CEP128: variants seen among roughly 807,000 people sequenced by gnomAD.
CEP128 encodes centrosomal protein 128.
In CEP128, 132 loss-of-function variants were observed where a neutral mutation model predicts 156.7. That is an observed-to-expected ratio of 0.84 (90% CI 0.73 to 0.97). The LOEUF (loss-of-function observed/expected upper bound fraction) is 0.97. CEP128 is among the 50% of genes least tolerant of loss of function. CEP128 has a pLI of 0.00. For missense variants in CEP128, 1,252 were observed against 1,281.9 expected (o/e 0.98, Z 0.36); for synonymous variants, 469 against 448.9 (o/e 1.04, Z -0.57).
At chr14:80,876,597 CAAAA>C (rs11419599) in intron 8 of CEP128, among the ~76,000 whole-genome samples, 9 of 136,014 alleles carry the variant, frequency 6.6e-5, no homozygotes, top group African/African-American at 2.4e-4. Flanking sequence ...ACTCCCATTT[CAAAA>C]AAAAAAAAAA....
intron 19 of CEP128, among the ~76,000 whole-genome samples, chr14:80,701,383 G>A (rs1442448974): frequency 6.6e-6 from 1 of 152,136 alleles, no homozygotes; most frequent in Non-Finnish European, 1.5e-5. Flanking sequence ...GCTGGCCAGT[G>A]CTACAGGGAA....
At chr14:80,569,034 A>G (rs887148707) in intron 20 of CEP128, among the ~76,000 whole-genome samples, 2 of 152,228 alleles carry the variant, frequency 1.3e-5, no homozygotes, top group Admixed American at 1.3e-4. Context: ...AAGTTTAAAC[A>G]GTAGCTTCGG....
At chr14:80,733,645 G>A (rs1898388925) in intron 19 of CEP128, among the ~76,000 whole-genome samples, 1 of 152,006 alleles carries the variant, frequency 6.6e-6, no homozygotes, top group African/African-American at 2.4e-5. Flanking sequence ...ATTCCCTAAA[G>A]ATTCAAATGG....
chr14:80,685,747 G>A (rs1896500480), intron 19 of CEP128, among the ~76,000 whole-genome samples: 1 of 151,972 alleles, frequency 6.6e-6, no homozygotes, highest in Non-Finnish European at 1.5e-5. Flanking sequence ...GCATGACACT[G>A]GTACAAAACC....
intron 23 of CEP128, among the ~76,000 whole-genome samples, chr14:80,518,024 G>A (rs932409558): frequency 6.6e-5 from 10 of 151,602 alleles, no homozygotes; most frequent in Admixed American, 1.3e-4. Context: ...AGCTTGAGCC[G>A]TAACAAACAC....
intron 16 of CEP128, among the ~76,000 whole-genome samples, chr14:80,767,888 C>T (rs1268959688): frequency 1.3e-5 from 2 of 152,134 alleles, no homozygotes; most frequent in Admixed American, 1.3e-4. Context: ...TCTGCTCTGC[C>T]ACTCACTACT....
intron 9 of CEP128, among the ~76,000 whole-genome samples, chr14:80,847,601 G>A (rs1451163992): frequency 6.6e-6 from 1 of 152,134 alleles, no homozygotes; most frequent in Non-Finnish European, 1.5e-5. Context: ...AAGCAGTGGG[G>A]CAGAATCACA....
At chr14:80,751,909 G>A (rs1252131915) in intron 18 of CEP128, among the ~76,000 whole-genome samples, 1 of 152,130 alleles carries the variant, frequency 6.6e-6, no homozygotes, top group Non-Finnish European at 1.5e-5. Context: ...GGGATTACAA[G>A]TGTGAGCCAC....
intron 21 of CEP128, among the ~76,000 whole-genome samples, chr14:80,538,857 C>T (rs1889608869): frequency 2.0e-5 from 3 of 152,184 alleles, no homozygotes; most frequent in Admixed American, 2.0e-4. Flanking sequence ...ACAATCTCTC[C>T]ATTGCCTCAT....
At chr14:80,528,662 C>T (rs79528626) in intron 22 of CEP128, among the ~76,000 whole-genome samples, 4,533 of 152,200 alleles carry the variant, frequency 0.03, 94 homozygotes, top group Middle Eastern at 0.092. Context: ...AGATGAGGTC[C>T]GTACTCACAC....
intron 23 of CEP128, 71 bp from the exon 24 acceptor site, chr14:80,505,091 A>G: frequency 1.7e-6 from 1 of 585,736 alleles, no homozygotes; most frequent in Non-Finnish European, 2.9e-6. Flanking sequence ...AAACGTACTG[A>G]AGCTGAAATT....
chr14:80,725,255 T>TCACTG (rs1897978688), intron 19 of CEP128, among the ~76,000 whole-genome samples: 1 of 151,116 alleles, frequency 6.6e-6, no homozygotes, highest in Non-Finnish European at 1.5e-5. Context: ...CAATCTCGGC[T>TCACTG]CACTGCAACC....
At chr14:80,818,579 T>A (rs1485242091) in intron 13 of CEP128, among the ~76,000 whole-genome samples, 2 of 152,206 alleles carry the variant, frequency 1.3e-5, no homozygotes, top group Non-Finnish European at 2.9e-5. Flanking sequence ...GTAGCTCAAG[T>A]TTACAGTCTT....
At chr14:80,893,594 A>G (rs1418795933) in intron 8 of CEP128, among the ~76,000 whole-genome samples, 1 of 151,956 alleles carries the variant, frequency 6.6e-6, no homozygotes, top group African/African-American at 2.4e-5. Flanking sequence ...CATATATCCC[A>G]TAACATCATG....
chr14:80,890,722 A>G (rs1364332303), intron 8 of CEP128, among the ~76,000 whole-genome samples: 1 of 152,136 alleles, frequency 6.6e-6, no homozygotes, highest in Non-Finnish European at 1.5e-5. Flanking sequence ...GCAGCAAACC[A>G]CCATGGTGCA....
At chr14:80,815,845 C>T (rs192466196) in intron 13 of CEP128, among the ~76,000 whole-genome samples, 11 of 152,240 alleles carry the variant, frequency 7.2e-5, no homozygotes, top group South Asian at 2.1e-4. Context: ...TCAAATACTG[C>T]GTGTTCTCAT....
intron 21 of CEP128, among the ~76,000 whole-genome samples, chr14:80,546,996 A>G (rs1002704141): frequency 2.0e-5 from 3 of 152,228 alleles, no homozygotes; most frequent in South Asian, 2.1e-4. Context: ...CCAGCCTTTC[A>G]TCTGAGATCA....
In CEP128 at chr14:80,909,540, G is replaced by A. The variant is rs1216757478; in HGVS notation, c.235-3459C>T. ...TTTAAAACTCTAAAAAGATATATCC[G>A]AAGCCATTGAAGATGAATAGGATGA... On this transcript the variant is annotated intron_variant, in intron 4 of 24. Transcript: ENST00000555265. Among the ~76,000 whole-genome samples the A allele has an allele frequency of 5.9e-5, 9 of 152,100 alleles. No homozygotes were observed. In the South Asian group the frequency reaches 1.0e-3, roughly 18 times the overall value.
intron 13 of CEP128, among the ~76,000 whole-genome samples, chr14:80,799,684 CT>C (rs1883720599): frequency 6.6e-6 from 1 of 152,128 alleles, no homozygotes; most frequent in Non-Finnish European, 1.5e-5. Flanking sequence ...CTGGGAATGT[CT>C]GTCTTGTGCA....
Sources: allele counts gnomAD v4.1 joint callset (sites outside exome capture counted in the v4.1 genomes callset), GRCh38; gene constraint gnomAD v4.1.1; transcripts MANE v1.5; gene names NCBI Gene and HGNC (gene_info 2026-07-23, HGNC 2026-07-21).